The following ANKRD24 variants were observed in gnomAD, a reference collection of about 807,000 sequenced individuals.
The protein encoded by ANKRD24 is ankyrin repeat domain-containing protein 24.
A neutral mutation model predicts 127.8 loss-of-function variants in ANKRD24; 109 were observed. The observed-to-expected ratio is 0.85, with a 90% CI of 0.73 to 1.00. The LOEUF (loss-of-function observed/expected upper bound fraction) is 1.00, where lower values mean the gene tolerates loss of function less well. Ranked by LOEUF, ANKRD24 falls within the 50% of genes least tolerant of loss-of-function variation. The probability of loss-of-function intolerance (pLI) is 0.00; values close to 1 mark genes in which losing one functional copy is unlikely to be tolerated. For synonymous variants in ANKRD24, 743 were observed against 671.1 expected (o/e 1.11, Z -1.66); for missense variants, 1,648 against 1,570.2 (o/e 1.05, Z -0.84).
rs1390881402 is a variant in ANKRD24, at chr19:4,218,131, C to T, written c.2971C>T (p.Arg991Trp). 10 of 1,535,372 alleles carry T rather than the reference C, an allele frequency of 6.5e-6. No homozygotes were observed. The highest frequency in any genetic ancestry group is 2.8e-5 in the African/African-American group (2 of 70,968). ...GGGGCAGCTGGAGGAGCTGGGACGG[C>T]GGCATGAGAAGACCAGCGCAGAGGT... ...LEGQLEELGR[R>W]HEKTSAEVFQ... Residue 991 changes from arginine (R) to tryptophan (W), a missense_variant, in exon 18 of 22, where the codon CGG (arginine) becomes TGG (tryptophan). Coordinates refer to ENST00000318934, the MANE Select transcript of ANKRD24 (RefSeq NM_001393985.1).
At chr19:4,185,312 G>T (rs545251858) in intron 1 of ANKRD24, among the ~76,000 whole-genome samples, 1 of 152,172 alleles carries the variant, frequency 6.6e-6, no homozygotes, top group Non-Finnish European at 1.5e-5. Flanking sequence ...TTTGTGGGTG[G>T]TGGCCAGTGG....
Position 4,198,107 on chromosome 19 carries a change from A to G in ANKRD24, c.37-1576A>G, listed in dbSNP as rs1339781391. The G allele has an allele frequency of 6.4e-6, 3 of 472,372 alleles. No homozygotes were observed. Among genetic ancestry groups the G allele is most frequent in the Non-Finnish European group, 3.8e-6 (1 of 265,212 alleles). 29.3% of individuals were successfully genotyped at this position (472,372 alleles called of 1,614,324 possible). A position where few individuals can be genotyped will look rare whatever the true frequency, so the allele number is the denominator to read the frequency against. On this transcript the variant is annotated intron_variant, in intron 2 of 21. Coordinates refer to ENST00000318934, the MANE Select transcript of ANKRD24 (RefSeq NM_001393985.1). The surrounding 1 kb of genome is among the most constrained non-coding windows in gnomAD (Gnocchi z 6.1). ...TGCGCGCCCTTGGCCGACTCGGAGG[A>G]GGTGGAGATGGACGCCCGCGGGTCC...
chr19:4,207,260 C>T lies in ANKRD24; in HGVS notation c.485C>T (p.Ser162Phe), dbSNP rs374166540. 1.1e-5 allele frequency: 17 copies of T among 1,613,688 alleles called. No homozygotes were observed. In the African/African-American group the frequency reaches 1.3e-4, roughly 13 times the overall value. The stretch of plus-strand genomic sequence containing the variant: ...TTTGCAGCGGCTGGTGGCTGTCTCT[C>T]CTGCTCAGAGGTGCTCTGCTCCTTT... ...LHHAAAGGCL[S>F]CSEVLCSFKA... Residue 162 changes from serine to phenylalanine, a missense_variant, in exon 8 of 22, where the codon TCC becomes TTC. Physicochemically the swap from Ser to Phe is radical, Grantham distance 155 (BLOSUM62 -2). Transcript: ENST00000318934.
chr19:4,203,420 C>T (rs1300186052), intron 7 of ANKRD24, among the ~76,000 whole-genome samples: 2 of 151,956 alleles, frequency 1.3e-5, no homozygotes, highest in African/African-American at 4.8e-5. Flanking sequence ...AATCATGGCT[C>T]ACTGCATCCT....
intron 13 of ANKRD24, 142 bp from the exon 14 acceptor site, chr19:4,212,333 G>A: frequency 1.1e-6 from 1 of 946,322 alleles, no homozygotes; most frequent in East Asian, 2.7e-5. Context: ...ATAGTAATGA[G>A]TGAGCGGGCA....
At chr19:4,187,801 G>C (rs1968153325) in intron 2 of ANKRD24, among the ~76,000 whole-genome samples, 1 of 152,186 alleles carries the variant, frequency 6.6e-6, no homozygotes. Context: ...GGAGAAATCA[G>C]GGAGTCTGCC....
rs1372335335 is a variant in ANKRD24 at position 4,182,690 on chromosome 19, C to T, written c.-87C>T. The T allele has an allele frequency of 3.5e-6, 5 of 1,417,324 alleles. No individual in the cohort carries two copies. The highest frequency in any genetic ancestry group is 1.5e-5 in the African/African-American group (1 of 67,168). 87.8% of individuals were successfully genotyped at this position (1,417,324 alleles called of 1,614,324 possible). On this transcript the variant is annotated 5_prime_UTR_variant, in exon 1 of 22. Transcript: ENST00000318934. ...GCGCATGCGCCTCTTGCTGACGCCGCAGGCGACATGTTATCTGCTGTCAGA... is the reference window on the plus strand; with the variant it reads ...GCGCATGCGCCTCTTGCTGACGCCGTAGGCGACATGTTATCTGCTGTCAGA...
At position 4,195,479 on chromosome 19, in the gene ANKRD24, T is replaced by C. The variant is rs1324748092; in HGVS notation, c.37-4204T>C. On this transcript the variant is annotated intron_variant, in intron 2 of 21. Coordinates refer to ENST00000318934, the MANE Select transcript of ANKRD24 (RefSeq NM_001393985.1). This position sits in a 1 kb window ranked among gnomAD's most constrained non-coding sequence, Gnocchi z 4.2. ...GTTTCGGTCTCTTCTCTGGAGAAGC[T>C]CAGAGGACCTCCCCACCCCCAAGGG... Among the ~76,000 whole-genome samples, 1 of 152,104 alleles carries C rather than the reference T, an allele frequency of 6.6e-6. No individual in the cohort carries two copies. The highest frequency in any genetic ancestry group is 1.9e-4 in the East Asian group (1 of 5,174).
intron 13 of ANKRD24, among the ~76,000 whole-genome samples, chr19:4,210,936 C>T (rs547697333): frequency 1.3e-5 from 2 of 151,920 alleles, no homozygotes; most frequent in Admixed American, 1.3e-4. Context: ...CGGGTTCAAG[C>T]GATTCTCCTG....
intron 7 of ANKRD24, among the ~76,000 whole-genome samples, chr19:4,204,633 C>G (rs1969282653): frequency 6.6e-6 from 1 of 152,164 alleles, no homozygotes; most frequent in East Asian, 1.9e-4. Context: ...GAACTCAGCC[C>G]CCGACCTGTC....
intron 15 of ANKRD24, among the ~76,000 whole-genome samples, chr19:4,214,622 G>A (rs1287045191): frequency 6.6e-6 from 1 of 152,158 alleles, no homozygotes; most frequent in Non-Finnish European, 1.5e-5. Flanking sequence ...GGGAGCCTGA[G>A]GCGAGTGGAT....
intron 5 of ANKRD24, among the ~76,000 whole-genome samples, chr19:4,201,305 T>C (rs1344520805): frequency 6.6e-6 from 1 of 151,884 alleles, no homozygotes; most frequent in Admixed American, 6.6e-5. Flanking sequence ...GAATATGGAA[T>C]AGCTGGGGAT....
intron 7 of ANKRD24, among the ~76,000 whole-genome samples, chr19:4,204,201 G>A (rs181558043): frequency 3.3e-4 from 47 of 141,236 alleles, no homozygotes; most frequent in East Asian, 8.9e-4. Flanking sequence ...TCCTGACCTC[G>A]TGATCCGCCT....
At chr19:4,214,994 C>G (rs541729988) in intron 15 of ANKRD24, among the ~76,000 whole-genome samples, 1 of 152,162 alleles carries the variant, frequency 6.6e-6, no homozygotes, top group Non-Finnish European at 1.5e-5. Flanking sequence ...TGGATACTGT[C>G]GCATCCACTC....
At chr19:4,186,339 G>T (rs917664742) in intron 1 of ANKRD24, 51 bp from the exon 2 acceptor site, 4 of 1,546,402 alleles carry the variant, frequency 2.6e-6, no homozygotes, top group Admixed American at 3.9e-5. Flanking sequence ...GGACCCTGCC[G>T]CCCACCAGGA....
intron 20 of ANKRD24, among the ~76,000 whole-genome samples, chr19:4,223,406 T>A (rs867988449): frequency 7.6e-4 from 95 of 125,648 alleles, no homozygotes; most frequent in Middle Eastern, 4.2e-3. Context: ...TATATATTTT[T>A]TTTTTTTTTT....
intron 7 of ANKRD24, 39 bp from the exon 8 acceptor site, chr19:4,207,203 G>A (rs751854338): frequency 1.9e-6 from 3 of 1,596,424 alleles, no homozygotes; most frequent in Non-Finnish European, 2.6e-6. Context: ...GGATTACAGG[G>A]TTGAGCTACC....
In ANKRD24 at chr19:4,216,415, A is replaced by G; in HGVS notation, c.1389+13A>G. 1 of 1,560,592 alleles carries G rather than the reference A, an allele frequency of 6.4e-7. No individual in the cohort carries two copies. Among genetic ancestry groups the G allele is most frequent in the South Asian group, 1.2e-5 (1 of 84,634 alleles). ...GGAGAAGGTCCAGGTAGGGAAAGTG[A>G]GGCTGGGGACAGATCTGAGGACCTA... On this transcript the variant is annotated intron_variant, in intron 17 of 21. Coordinates refer to ENST00000318934, the MANE Select transcript of ANKRD24 (RefSeq NM_001393985.1).
chr19:4,199,545 G>C lies in ANKRD24; in HGVS notation c.37-138G>C. ...AACGTTTTGGAAATAGATGCCAGGG[G>C]GCTGCTCAGGGGATGATGCTGGTGG... On this transcript the variant is annotated intron_variant, in intron 2 of 21. Coordinates refer to ENST00000318934, the MANE Select transcript of ANKRD24 (RefSeq NM_001393985.1). This position sits in a 1 kb window ranked among gnomAD's most constrained non-coding sequence, Gnocchi z 5.2. 4.9e-6 allele frequency: 7 copies of C among 1,423,722 alleles called. No homozygotes were observed. The highest frequency in any genetic ancestry group is 5.5e-6 in the Non-Finnish European group (6 of 1,093,290). The allele number at this position is 1,423,722 out of a possible 1,614,324, so 88.2% of individuals were successfully genotyped here.
Sources: gnomAD v4.1 joint callset for allele counts (sites outside exome capture counted in the v4.1 genomes callset) on GRCh38, gnomAD v4.1.1 for gene constraint, Gnocchi (gnomAD v3.1) non-coding constraint, MANE v1.5 for transcripts, NCBI Gene and HGNC (gene_info 2026-07-23, HGNC 2026-07-21) for gene names.